NUDT16: variants seen among roughly 807,000 people sequenced by gnomAD.
NUDT16 encodes the protein U8 snoRNA-decapping enzyme.
Under a neutral mutation model 11.7 loss-of-function variants are expected in NUDT16, and 12 were observed. That is an observed-to-expected ratio of 1.03 (90% CI 0.66 to 1.67). The LOEUF is 1.67. Ranked by LOEUF, NUDT16 falls within the 40% of genes most tolerant of loss-of-function variation. NUDT16 has a pLI of 0.00. For synonymous variants in NUDT16, 129 were observed against 122.6 expected, an observed-to-expected ratio of 1.05 and a Z score of -0.35; for missense variants, 303 against 268.9, an observed-to-expected ratio of 1.13 and a Z score of -0.89.
intron 2 of NUDT16, 108 bp downstream of exon 2, chr3:131,382,423 G>A (rs1357112893): frequency 6.5e-7 from 1 of 1,547,848 alleles, no homozygotes; most frequent in Admixed American, 1.9e-5. Context: ...CTCTGACCTT[G>A]CCCTCTCCCC....
In NUDT16 at chr3:131,381,860, G is replaced by A; in HGVS notation, c.56G>A (p.Trp19Ter). ...GAGGCCCTGGCGCTGGGGTCGGGCT[G>A]GCGTCATGCGTGCCACGCTCTCCTC... Reference protein sequence around the residue: ...LGEALALGSGWRHACHALLYA... With the variant: ...LGEALALGSG Residue 19 changes from tryptophan to a stop codon, truncating the protein, a stop_gained, in exon 1 of 3, where the codon TGG becomes TAG. Coordinates refer to ENST00000521288, the MANE Select transcript of NUDT16 (RefSeq NM_152395.3). LOFTEE classifies it high-confidence loss of function. 6.2e-7 allele frequency: 1 copy of A among 1,603,928 alleles called. No homozygotes were observed. The highest frequency in any genetic ancestry group is 8.5e-7 in the Non-Finnish European group (1 of 1,178,868).
chr3:131,383,325 T>G lies in NUDT16; in HGVS notation c.572T>G (p.Ile191Ser). The change falls in exon 3 of 3, where the codon ATT becomes AGT. Residue 191 changes from isoleucine (I) to serine (S), a missense_variant. Ile to Ser is a moderately radical substitution (Grantham distance 142). Transcript: ENST00000521288. This position sits in a 1 kb window ranked among gnomAD's most constrained non-coding sequence, Gnocchi z 4.4. ...LQSGSISGLK[I>S]PAHH is the part of the protein sequence containing the mutation. Reference sequence around the variant, plus strand: ...TCTGGCTCTATTTCAGGCCTTAAGATTCCAGCTCATCACTAGAGGCAGCCC... The same window carrying G: ...TCTGGCTCTATTTCAGGCCTTAAGAGTCCAGCTCATCACTAGAGGCAGCCC... 6.2e-7 allele frequency: 1 copy of G among 1,614,084 alleles called. No individual in the cohort carries two copies. The highest frequency in any genetic ancestry group is 8.5e-7 in the Non-Finnish European group (1 of 1,179,978).
In NUDT16 at chr3:131,383,776, C is replaced by A; in HGVS notation, c.*435C>A. The stretch of plus-strand genomic sequence containing the variant: ...TCCCACACTCCTCCATGGTTGCCCT[C>A]CAGGGTCTAGCCCAGCCTATTTGTT... On this transcript the variant is annotated 3_prime_UTR_variant, in exon 3 of 3. Transcript: ENST00000521288. The surrounding 1 kb of genome is among the most constrained non-coding windows in gnomAD (Gnocchi z 4.4). 1 of 338,046 alleles carries A rather than the reference C, an allele frequency of 3.0e-6. No homozygotes were observed. Among genetic ancestry groups the A allele is most frequent in the Non-Finnish European group, 5.6e-6 (1 of 180,016 alleles). 20.9% of individuals were successfully genotyped at this position (338,046 alleles called of 1,614,324 possible).
In NUDT16 at chr3:131,383,045, T is replaced by C. The variant is rs529825741; in HGVS notation, c.409-117T>C. 1.7e-6 allele frequency: 2 copies of C among 1,173,522 alleles called. No homozygotes were observed. The highest frequency in any genetic ancestry group is 1.5e-5 in the South Asian group (1 of 67,048). The allele number at this position is 1,173,522 out of a possible 1,614,324, so 72.7% of individuals were successfully genotyped here. On this transcript the variant is annotated intron_variant, in intron 2 of 2. Transcript: ENST00000521288. This position sits in a 1 kb window ranked among gnomAD's most constrained non-coding sequence, Gnocchi z 4.4. ...ACTAGGCTTTAGTGAGGTGTGAGCC[T>C]TGGGCCTGGTTCTGCTGGAGTATTA...
At position 131,383,690 on chromosome 3, in the gene NUDT16, G is replaced by T. The variant is rs972895919; in HGVS notation, c.*349G>T. The T allele has an allele frequency of 1.3e-5, 7 of 527,842 alleles. No individual in the cohort carries two copies. The highest frequency in any genetic ancestry group is 2.4e-5 in the Non-Finnish European group (7 of 294,218). The allele number at this position is 527,842 out of a possible 1,614,324, so 32.7% of individuals were successfully genotyped here. Reference sequence around the variant, plus strand: ...TCATGTCCAGTTTAACCTTGAAGTGGCATTTGTCACACTACCCTGGTCCCT... The same window carrying T: ...TCATGTCCAGTTTAACCTTGAAGTGTCATTTGTCACACTACCCTGGTCCCT... On this transcript the variant is annotated 3_prime_UTR_variant, in exon 3 of 3. Coordinates refer to ENST00000521288, the MANE Select transcript of NUDT16 (RefSeq NM_152395.3). The surrounding 1 kb of genome is among the most constrained non-coding windows in gnomAD (Gnocchi z 4.4).
Position 131,382,128 on chromosome 3 carries a change from A to T in NUDT16, c.221A>T (p.Asn74Ile), listed in dbSNP as rs1194943010. 1.2e-6 allele frequency: 2 copies of T among 1,611,384 alleles called. No individual in the cohort carries two copies. The highest frequency in any genetic ancestry group is 1.7e-6 in the Non-Finnish European group (2 of 1,178,948). Residue 74 changes from asparagine (N) to isoleucine (I), a missense_variant, in exon 2 of 3, where the codon AAC (asparagine) becomes ATC (isoleucine). Coordinates refer to ENST00000521288, the MANE Select transcript of NUDT16 (RefSeq NM_152395.3). ...TQDRSLEDGLNRELREELGEA... is the reference protein window; with the variant it reads ...TQDRSLEDGLIRELREELGEA... Reference sequence around the variant, plus strand: ...GACAGAAGCCTAGAGGACGGGCTGAACCGCGAGCTGCGCGAGGAGCTGGGC... The same window carrying T: ...GACAGAAGCCTAGAGGACGGGCTGATCCGCGAGCTGCGCGAGGAGCTGGGC...
At position 131,382,037 on chromosome 3, in the gene NUDT16, C is replaced by G. The variant is rs372691131; in HGVS notation, c.139-9C>G. 3.8e-6 allele frequency: 6 copies of G among 1,578,762 alleles called. No homozygotes were observed. In the African/African-American group the frequency reaches 8.1e-5, roughly 21 times the overall value. The stretch of plus-strand genomic sequence containing the variant: ...CGCCCCTGCCAATCCCCGCTTCCCC[C>G]TCCCGCAGATGCAGATGCGCTTCGA... On this transcript the variant is annotated splice_polypyrimidine_tract_variant and intron_variant, in intron 1 of 2. Transcript: ENST00000521288.
chr3:131,383,279 C>T lies in NUDT16; in HGVS notation c.526C>T (p.Gln176Ter). 6.2e-7 allele frequency: 1 copy of T among 1,614,146 alleles called. No individual in the cohort carries two copies. The highest frequency in any genetic ancestry group is 8.5e-7 in the Non-Finnish European group (1 of 1,180,012). The part of the protein sequence containing the change: ...SAREQLLEAL[Q>*]DLGLLQSGSI... ...GCGGGAGCAGTTACTTGAAGCTCTC[C>T]AGGACTTGGGACTGCTGCAGTCTGG... Residue 176 changes from glutamine to a stop codon, truncating the protein, a stop_gained, in exon 3 of 3, where the codon CAG (glutamine) becomes TAG (stop). Coordinates refer to ENST00000521288, the MANE Select transcript of NUDT16 (RefSeq NM_152395.3). LOFTEE classifies it low-confidence loss of function (END_TRUNC). This position sits in a 1 kb window ranked among gnomAD's most constrained non-coding sequence, Gnocchi z 4.4.
In NUDT16 at chr3:131,383,174, G is replaced by A; in HGVS notation, c.421G>A (p.Val141Met). 2 of 1,612,412 alleles carry A rather than the reference G, an allele frequency of 1.2e-6. No homozygotes were observed. Among genetic ancestry groups the A allele is most frequent in the South Asian group, 1.1e-5 (1 of 91,020 alleles). The change falls in exon 3 of 3, where the codon GTG becomes ATG. Residue 141 changes from valine to methionine, a missense_variant. Transcript: ENST00000521288. The surrounding 1 kb of genome is among the most constrained non-coding windows in gnomAD (Gnocchi z 4.4). ...CTTCCTTTTACAGGTGCTGGGCCTG[G>A]TGCGAGTGCCCCTGTATACCCTGCG... ...KDHGLEVLGL[V>M]RVPLYTLRDG...
chr3:131,385,256 AG>A lies in NUDT16; in HGVS notation c.*1917del, dbSNP rs2097459232. The stretch of plus-strand genomic sequence containing the variant: ...AGACAGGAGTGCTTTGGAAATTGAG[AG>A]GTGGAGCAATCTCAGGTAAAGGCAA... On this transcript the variant is annotated 3_prime_UTR_variant, in exon 3 of 3. Transcript: ENST00000521288. The A allele has an allele frequency of 1.3e-5, 2 of 152,242 alleles. No individual in the cohort carries two copies. Among genetic ancestry groups the A allele is most frequent in the African/African-American group, 4.8e-5 (2 of 41,424 alleles). 9.4% of individuals were successfully genotyped at this position (152,242 alleles called of 1,614,324 possible). A position where few individuals can be genotyped will look rare whatever the true frequency, so the allele number is the denominator to read the frequency against.
At position 131,386,633 on chromosome 3, in the gene NUDT16, C is replaced by T. The variant is rs1246728664; in HGVS notation, c.*3292C>T. 1.3e-5 allele frequency: 2 copies of T among 152,236 alleles called. No individual in the cohort carries two copies. Among genetic ancestry groups the T allele is most frequent in the East Asian group, 1.9e-4 (1 of 5,190 alleles). The allele number at this position is 152,236 out of a possible 1,614,324, so 9.4% of individuals were successfully genotyped here. On this transcript the variant is annotated 3_prime_UTR_variant, in exon 3 of 3. Coordinates refer to ENST00000521288, the MANE Select transcript of NUDT16 (RefSeq NM_152395.3). ...TTTCTTGCAAGGTGAGTGGCCCAGC[C>T]GCCTCTCCACAAACACGTGTTTCTG... is the stretch of plus-strand genomic sequence containing the variant.
rs1239406989 is a variant in NUDT16 at position 131,388,649 on chromosome 3, G to T, written c.*5308G>T. The T allele has an allele frequency of 6.6e-6, 1 of 152,190 alleles. No individual in the cohort carries two copies. The highest frequency in any genetic ancestry group is 1.5e-5 in the Non-Finnish European group (1 of 68,038). The allele number at this position is 152,190 out of a possible 1,614,324, so 9.4% of individuals were successfully genotyped here. ...AATCAAAGGAAATAACTGATCGACA[G>T]GAAAACTGTAGGAAATTTGTGGGCT... On this transcript the variant is annotated 3_prime_UTR_variant, in exon 3 of 3. Transcript: ENST00000521288.
rs929221064 is a variant in NUDT16 at position 131,386,556 on chromosome 3, C to G, written c.*3215C>G. On this transcript the variant is annotated 3_prime_UTR_variant, in exon 3 of 3. Transcript: ENST00000521288. ...GATAAGCTTGCAGAGATGCATTGAG[C>G]GGTATGAAAGTACAGGATGCTATGT... 7.9e-5 allele frequency: 12 copies of G among 152,192 alleles called. No homozygotes were observed. Among genetic ancestry groups the G allele is most frequent in the African/African-American group, 2.9e-4 (12 of 41,416 alleles). 9.4% of individuals were successfully genotyped at this position (152,192 alleles called of 1,614,324 possible). A position where few individuals can be genotyped will look rare whatever the true frequency, so the allele number is the denominator to read the frequency against.
Position 131,384,400 on chromosome 3 carries a change from G to A in NUDT16, c.*1059G>A, listed in dbSNP as rs1011956343. On this transcript the variant is annotated 3_prime_UTR_variant, in exon 3 of 3. Coordinates refer to ENST00000521288, the MANE Select transcript of NUDT16 (RefSeq NM_152395.3). Reference sequence around the variant, plus strand: ...ATGGAAGGCAGGCTGTACTGGTTGAGTGAATGGAAAGTTGGGGAGTAGAAC... The same window carrying A: ...ATGGAAGGCAGGCTGTACTGGTTGAATGAATGGAAAGTTGGGGAGTAGAAC... The A allele has an allele frequency of 6.6e-6, 1 of 152,384 alleles. No individual in the cohort carries two copies. Among genetic ancestry groups the A allele is most frequent in the Non-Finnish European group, 1.5e-5 (1 of 68,158 alleles). 9.4% of individuals were successfully genotyped at this position (152,384 alleles called of 1,614,324 possible). A position where few individuals can be genotyped will look rare whatever the true frequency, so the allele number is the denominator to read the frequency against.
Position 131,381,973 on chromosome 3 carries a change from G to T in NUDT16, c.138+31G>T, listed in dbSNP as rs1310191290. 3.1e-6 allele frequency: 5 copies of T among 1,600,536 alleles called. No homozygotes were observed. The African/African-American group carries it at 4.0e-5, about 13-fold the overall frequency. On this transcript the variant is annotated intron_variant, in intron 1 of 2. Coordinates refer to ENST00000521288, the MANE Select transcript of NUDT16 (RefSeq NM_152395.3). ...AAGGGGGCGCGCCCGGCCACTTTCT[G>T]CCTGAGCCCCGCACCCTCTCTGGTG...
In NUDT16 at chr3:131,382,183, C is replaced by T. The variant is rs764730019; in HGVS notation, c.276C>T (p.Arg92=). 16 of 1,612,234 alleles carry T rather than the reference C, an allele frequency of 9.9e-6. No individual in the cohort carries two copies. The highest frequency in any genetic ancestry group is 1.7e-4 in the Middle Eastern group (1 of 6,058). Residue 92 remains arginine (R), a synonymous_variant, in exon 2 of 3, where the codon CGC becomes CGT. Coordinates refer to ENST00000521288, the MANE Select transcript of NUDT16 (RefSeq NM_152395.3). ...GEAAAAFRVE[R]TDYRSSHVGS... The stretch of plus-strand genomic sequence containing the variant: ...CGGCTGCCGCTTTCCGCGTGGAGCG[C>T]ACTGACTACCGCAGCTCCCACGTCG...
rs2097457534 is a variant in NUDT16 at position 131,383,478 on chromosome 3, A to G, written c.*137A>G. The G allele has an allele frequency of 6.6e-7, 1 of 1,526,498 alleles. No homozygotes were observed. The highest frequency in any genetic ancestry group is 1.4e-5 in the African/African-American group (1 of 72,782). 94.6% of individuals were successfully genotyped at this position (1,526,498 alleles called of 1,614,324 possible). On this transcript the variant is annotated 3_prime_UTR_variant, in exon 3 of 3. Coordinates refer to ENST00000521288, the MANE Select transcript of NUDT16 (RefSeq NM_152395.3). This position sits in a 1 kb window ranked among gnomAD's most constrained non-coding sequence, Gnocchi z 4.4. ...CAGATGAAAAGAAGGAGAAGTGTGT[A>G]CCATATGTTTTGAGCAGAGGACCCT...
rs1454967188 is a variant in NUDT16, at chr3:131,381,777, CG to C, written c.-25del. The C allele has an allele frequency of 6.5e-7, 1 of 1,536,370 alleles. No homozygotes were observed. Among genetic ancestry groups the C allele is most frequent in the Non-Finnish European group, 8.7e-7 (1 of 1,147,692 alleles). On this transcript the variant is annotated 5_prime_UTR_variant, in exon 1 of 3. Coordinates refer to ENST00000521288, the MANE Select transcript of NUDT16 (RefSeq NM_152395.3). Reference sequence around the variant, plus strand: ...CCCGCCCCTCTGCCCATTGGGCCTTCGGGACAGCAGAGGAGCAGTGTCCGGC... The same window carrying C: ...CCCGCCCCTCTGCCCATTGGGCCTTCGGACAGCAGAGGAGCAGTGTCCGGC...
In NUDT16 at chr3:131,383,132, C is replaced by G. The variant is rs1159818607; in HGVS notation, c.409-30C>G. The G allele has an allele frequency of 6.2e-7, 1 of 1,602,040 alleles. No individual in the cohort carries two copies. Among genetic ancestry groups the G allele is most frequent in the Non-Finnish European group, 8.5e-7 (1 of 1,173,748 alleles). On this transcript the variant is annotated intron_variant, in intron 2 of 2. Coordinates refer to ENST00000521288, the MANE Select transcript of NUDT16 (RefSeq NM_152395.3). The surrounding 1 kb of genome is among the most constrained non-coding windows in gnomAD (Gnocchi z 4.4). ...TTAAGGGAATGAGCCACCTGGGGCC[C>G]TAGTGTCTCCTGTCTCCTTCCTTTT...
Sources: gnomAD v4.1 joint callset for allele counts on GRCh38, gnomAD v4.1.1 for gene constraint, Gnocchi (gnomAD v3.1) non-coding constraint, MANE v1.5 for transcripts, NCBI Gene and HGNC (gene_info 2026-07-23, HGNC 2026-07-21) for gene names.